CCDC171: variants seen among roughly 807,000 people sequenced by gnomAD.
CCDC171 encodes coiled-coil domain containing 171.
In CCDC171, 177 loss-of-function variants were observed where a neutral mutation model predicts 168.2. The ratio of observed to expected loss-of-function variants is 1.05; its 90% CI spans 0.93 to 1.19. The LOEUF (loss-of-function observed/expected upper bound fraction) is 1.19. Ranked by LOEUF, CCDC171 falls within the 50% of genes most tolerant of loss-of-function variation. The pLI, the probability that CCDC171 is intolerant of heterozygous loss-of-function variation, is 0.00. For missense variants in CCDC171, 1,991 were observed against 1,539.0 expected (o/e 1.29, Z -4.91); for synonymous variants, 687 against 540.8 (o/e 1.27, Z -3.75).
chr9:15,743,320 T>A, intron 16 of CCDC171, among the ~76,000 whole-genome samples: 1 of 151,884 alleles, frequency 6.6e-6, no homozygotes, highest in Middle Eastern at 3.4e-3. Flanking sequence ...TGTACACCAC[T>A]ATTCCTGTCT....
chr9:16,069,667 C>T, the CCDC171 span, among the ~76,000 whole-genome samples: 5 of 152,216 alleles, frequency 3.3e-5, no homozygotes, highest in East Asian at 1.9e-4. Flanking sequence ...GAGCTGAGGA[C>T]GAGGCATTTC....
chr9:15,721,793 C>T lies in CCDC171; in HGVS notation c.1343C>T (p.Pro448Leu). The T allele has an allele frequency of 1.3e-6, 2 of 1,560,138 alleles. No homozygotes were observed. Among genetic ancestry groups the T allele is most frequent in the Non-Finnish European group, 1.7e-6 (2 of 1,152,736 alleles). Reference protein sequence around the residue: ...TSGIHKDKDKPPSFSVVLERL... With the variant: ...TSGIHKDKDKLPSFSVVLERL... ...GGCATCCACAAGGACAAAGATAAACCTCCCAGCTTCTCTGTTGTCCTTGAG... is the reference window on the plus strand; with the variant it reads ...GGCATCCACAAGGACAAAGATAAACTTCCCAGCTTCTCTGTTGTCCTTGAG... Residue 448 changes from proline (P) to leucine (L), a missense_variant, in exon 12 of 26, where the codon CCT becomes CTT. Pro to Leu is a moderately conservative substitution (Grantham distance 98, BLOSUM62 -3). Coordinates refer to ENST00000380701, the MANE Select transcript of CCDC171 (RefSeq NM_173550.4).
chr9:15,923,547 C>T (rs2132036813), intron 25 of CCDC171, among the ~76,000 whole-genome samples: 1 of 151,214 alleles, frequency 6.6e-6, no homozygotes, highest in East Asian at 2.0e-4. Flanking sequence ...TATATAATTA[C>T]AGTTAGGTAG....
chr9:16,013,984 C>A (rs1832946855), intron 3 of CCDC171, among the ~76,000 whole-genome samples: 1 of 152,176 alleles, frequency 6.6e-6, no homozygotes, highest in Admixed American at 6.6e-5. Context: ...GTGGCTGTGA[C>A]TATTTCTGAA....
chr9:15,820,074 C>T lies in CCDC171; in HGVS notation c.3268-26628C>T, dbSNP rs13301393. Reference sequence around the variant, plus strand: ...CTCAACTACAGGGAAACTGAACAGCCTGCTCCTGAATGACTACTGGGTACA... The same window carrying T: ...CTCAACTACAGGGAAACTGAACAGCTTGCTCCTGAATGACTACTGGGTACA... On this transcript the variant is annotated intron_variant, in intron 21 of 25. Coordinates refer to ENST00000380701, the MANE Select transcript of CCDC171 (RefSeq NM_173550.4). 2.6e-5 allele frequency among the ~76,000 whole-genome samples: 3 copies of T among 117,180 alleles called. 1 individual carries two copies. Among genetic ancestry groups the T allele is most frequent in the East Asian group, 2.1e-4 (1 of 4,682 alleles). The allele number at this position is 117,180 out of a possible 152,430, so 76.9% of individuals were successfully genotyped here. A position where few individuals can be genotyped will look rare whatever the true frequency, so the allele number is the denominator to read the frequency against.
chr9:15,981,031 C>T (rs1831778289), intron 3 of CCDC171, among the ~76,000 whole-genome samples: 1 of 151,982 alleles, frequency 6.6e-6, no homozygotes. Flanking sequence ...TGCAGGAAAA[C>T]CCCCATATAA....
intron 7 of CCDC171, among the ~76,000 whole-genome samples, chr9:15,649,712 C>T (rs527700255): frequency 1.8e-4 from 28 of 152,218 alleles, no homozygotes; most frequent in Admixed American, 4.6e-4. Flanking sequence ...CCATCTCACA[C>T]CAGTTAGAAT....
chr9:15,557,770 C>G (rs1261148820), intron 1 of CCDC171, among the ~76,000 whole-genome samples: 2 of 152,110 alleles, frequency 1.3e-5, no homozygotes, highest in East Asian at 1.9e-4. Context: ...AGTTCCAACA[C>G]TATGTTGAAT....
At chr9:15,712,769 A>T (rs2052768486) in intron 11 of CCDC171, among the ~76,000 whole-genome samples, 1 of 152,124 alleles carries the variant, frequency 6.6e-6, no homozygotes, top group African/African-American at 2.4e-5. Context: ...GCTATTGGTG[A>T]ATTTGGCACT....
intron 21 of CCDC171, among the ~76,000 whole-genome samples, chr9:15,828,247 GA>G (rs1311922303): frequency 1.5e-4 from 22 of 150,870 alleles, no homozygotes; most frequent in Admixed American, 1.5e-3. Flanking sequence ...AAAAGTAGAT[GA>G]AACATCTTGA....
At chr9:15,693,690 A>G (rs1228068163) in intron 10 of CCDC171, among the ~76,000 whole-genome samples, 2 of 152,232 alleles carry the variant, frequency 1.3e-5, no homozygotes, top group Non-Finnish European at 2.9e-5. Context: ...TTAATTTTAC[A>G]TATTTTAAGG....
intron 7 of CCDC171, among the ~76,000 whole-genome samples, chr9:15,626,371 A>C (rs1338075793): frequency 2.0e-5 from 3 of 152,150 alleles, no homozygotes; most frequent in Admixed American, 6.6e-5. Flanking sequence ...GTGGTGAGAG[A>C]GGGCATCCCT....
chr9:15,716,332 G>A (rs746187296), intron 11 of CCDC171, among the ~76,000 whole-genome samples: 2 of 152,070 alleles, frequency 1.3e-5, no homozygotes, highest in Non-Finnish European at 2.9e-5. Flanking sequence ...CTCTTTGTGA[G>A]TTTTTAAACC....
chr9:15,709,543 A>G (rs1378523995), intron 11 of CCDC171, among the ~76,000 whole-genome samples: 1 of 152,224 alleles, frequency 6.6e-6, no homozygotes. Flanking sequence ...CAAATGTAAT[A>G]ATTGAAGACA....
chr9:15,898,019 T>C (rs1821132148), intron 24 of CCDC171, among the ~76,000 whole-genome samples: 1 of 152,290 alleles, frequency 6.6e-6, no homozygotes, highest in East Asian at 1.9e-4. Context: ...TACAGCATTA[T>C]TGGAAGGCAG....
intron 21 of CCDC171, among the ~76,000 whole-genome samples, chr9:15,805,276 T>C (rs2059019501): frequency 6.6e-6 from 1 of 152,176 alleles, no homozygotes; most frequent in Non-Finnish European, 1.5e-5. Context: ...ATTTCTTGTC[T>C]TTTGCTAGCT....
At chr9:15,642,343 G>GTATATATATATATATA (rs55976539) in intron 7 of CCDC171, among the ~76,000 whole-genome samples, 4 of 107,566 alleles carry the variant, frequency 3.7e-5, no homozygotes, top group African/African-American at 1.0e-4. Flanking sequence ...GTGTGTGTGT[G>GTATATATATATATATA]TATATATATA....
At chr9:16,047,999 C>T (rs946264903) in intron 1 of CCDC171, among the ~76,000 whole-genome samples, 2 of 152,122 alleles carry the variant, frequency 1.3e-5, no homozygotes, top group Non-Finnish European at 2.9e-5. Flanking sequence ...GGAGTGGGGA[C>T]AGAGGAAGGA....
intron 7 of CCDC171, among the ~76,000 whole-genome samples, chr9:15,623,725 A>T (rs917829295): frequency 6.6e-6 from 1 of 152,164 alleles, no homozygotes; most frequent in Non-Finnish European, 1.5e-5. Context: ...TGTTTACATT[A>T]TTAGGTTGAG....
Sources: gnomAD v4.1 joint callset for allele counts (sites outside exome capture counted in the v4.1 genomes callset) on GRCh38, gnomAD v4.1.1 for gene constraint, MANE v1.5 for transcripts, NCBI Gene and HGNC (gene_info 2026-07-23, HGNC 2026-07-21) for gene names.